YES1: variants seen among roughly 807,000 people sequenced by gnomAD.
YES1 encodes YES proto-oncogene 1, Src family tyrosine kinase, also known as tyrosine-protein kinase Yes.
A neutral mutation model predicts 70.4 loss-of-function variants in YES1; 39 were observed. That is an observed-to-expected ratio of 0.55 (90% confidence interval 0.43 to 0.72). The LOEUF (loss-of-function observed/expected upper bound fraction) is 0.72. Ranked by LOEUF, YES1 falls within the 30% of genes least tolerant of loss-of-function variation. The pLI, the probability that YES1 is intolerant of heterozygous loss-of-function variation, is 0.00. For synonymous variants in YES1, 198 were observed against 218.6 expected, an observed-to-expected ratio of 0.91 and a Z score of 0.83; for missense variants, 495 against 644.8, an observed-to-expected ratio of 0.77 and a Z score of 2.52.
At chr18:790,051 C>T (rs973416826) in intron 1 of YES1, among the ~76,000 whole-genome samples, 1 of 151,600 alleles carries the variant, frequency 6.6e-6, no homozygotes, top group African/African-American at 2.4e-5. Context: ...AGCAACACTC[C>T]GTCTCATAAA....
At chr18:781,086 G>A (rs1370524999) in intron 1 of YES1, among the ~76,000 whole-genome samples, 1 of 151,968 alleles carries the variant, frequency 6.6e-6, no homozygotes, top group Non-Finnish European at 1.5e-5. Context: ...TGGCCAACAT[G>A]GTGAAACCCC....
chr18:782,310 T>C lies in YES1; in HGVS notation c.-8-25475A>G, dbSNP rs117299658. On this transcript the variant is annotated intron_variant, in intron 1 of 11. Transcript: ENST00000314574. ...ATTTTAGAGCTAGGCTGAGGAACCA[T>C]AAAATATCAATTCCTAATTCCTAAA... Among the ~76,000 whole-genome samples the C allele has an allele frequency of 6.8e-3, 1,037 of 152,256 alleles. 7 individuals carry two copies. Among genetic ancestry groups the C allele is most frequent in the Non-Finnish European group, 0.01 (686 of 68,034 alleles).
chr18:802,789 C>A (rs980184359), intron 1 of YES1, among the ~76,000 whole-genome samples: 12 of 151,946 alleles, frequency 7.9e-5, no homozygotes, highest in Non-Finnish European at 1.8e-4. Context: ...GTAATAAATA[C>A]CTACCTCAAG....
chr18:769,209 A>T (rs550982827), intron 1 of YES1, among the ~76,000 whole-genome samples: 2 of 152,312 alleles, frequency 1.3e-5, no homozygotes, highest in Admixed American at 1.3e-4. Context: ...CTGATGACAC[A>T]ATGTCAGAAC....
chr18:726,147 C>T (rs12327478), intron 11 of YES1, among the ~76,000 whole-genome samples: 2,042 of 152,208 alleles, frequency 0.013, 40 homozygotes, highest in African/African-American at 0.046. Flanking sequence ...ACTCAAAGGC[C>T]GGGTGCGGTG....
chr18:773,838 C>CT lies in YES1; in HGVS notation c.-8-17004dup, dbSNP rs34302612. ...TCTCTCTTCCTTAAAACACTTTTCCCTTTTTTTTTTTGAGACGGAATCTTG... is the reference window on the plus strand; with the variant it reads ...TCTCTCTTCCTTAAAACACTTTTCCCTTTTTTTTTTTTGAGACGGAATCTTG... On this transcript the variant is annotated intron_variant, in intron 1 of 11. Coordinates refer to ENST00000314574, the MANE Select transcript of YES1 (RefSeq NM_005433.4). Among the ~76,000 whole-genome samples, 421 of 148,214 alleles carry CT rather than the reference C, an allele frequency of 2.8e-3. 3 individuals are homozygous for CT. Among genetic ancestry groups the CT allele is most frequent in the Middle Eastern group, 0.01 (3 of 286 alleles).
At chr18:792,585 G>A (rs1396428712) in intron 1 of YES1, among the ~76,000 whole-genome samples, 13 of 140,216 alleles carry the variant, frequency 9.3e-5, no homozygotes, top group East Asian at 6.1e-4. Flanking sequence ...GTGTGTGTGT[G>A]TATATACATA....
intron 1 of YES1, among the ~76,000 whole-genome samples, chr18:787,452 G>A (rs1906022246): frequency 6.6e-6 from 1 of 152,018 alleles, no homozygotes; most frequent in African/African-American, 2.4e-5. Flanking sequence ...GCTCACACCT[G>A]TAATCCCAGC....
chr18:729,649 CAG>C (rs2080064645), intron 11 of YES1, among the ~76,000 whole-genome samples: 1 of 101,104 alleles, frequency 9.9e-6, no homozygotes, highest in Non-Finnish European at 1.8e-5. Flanking sequence ...TTTTTTGAGA[CAG>C]AGTCTCGCTC....
chr18:724,691 TAACA>T lies in YES1; in HGVS notation c.1424-63_1424-60del, dbSNP rs1484773689. ...GGTCCTAACTACCACTAGGAAAACA[TAACA>T]AACCCCCTAGCCACTAACTCATTCA... On this transcript the variant is annotated intron_variant, in intron 11 of 11. Coordinates refer to ENST00000314574, the MANE Select transcript of YES1 (RefSeq NM_005433.4). 7.9e-6 allele frequency: 11 copies of T among 1,399,110 alleles called. No individual in the cohort carries two copies. In the Admixed American group the frequency reaches 1.9e-4, roughly 24 times the overall value. The allele number at this position is 1,399,110 out of a possible 1,614,324, so 86.7% of individuals were successfully genotyped here.
intron 1 of YES1, among the ~76,000 whole-genome samples, chr18:806,124 G>C (rs960768326): frequency 1.3e-5 from 2 of 152,092 alleles, no homozygotes; most frequent in African/African-American, 4.8e-5. Flanking sequence ...TTTTGTCCTA[G>C]GTATATATGA....
chr18:743,157 T>C, intron 7 of YES1, 60 bp from the exon 8 acceptor site: 1 of 1,544,230 alleles, frequency 6.5e-7, no homozygotes, highest in Non-Finnish European at 8.7e-7. Context: ...CAAACTTCAG[T>C]GAACAGCACT....
At chr18:758,053 A>G (rs1437117227) in intron 1 of YES1, among the ~76,000 whole-genome samples, 3 of 152,214 alleles carry the variant, frequency 2.0e-5, no homozygotes, top group African/African-American at 7.2e-5. Flanking sequence ...AATCTAAGTC[A>G]CAAATGTGAG....
At chr18:812,689 A>G (rs117002915), upstream of YES1, 5,374 of 152,552 alleles carry the variant, frequency 0.035, 251 homozygotes, top group East Asian at 0.26. Context: ...GCTGCCGCGG[A>G]GATTGAATGG....
chr18:727,634 G>C (rs1316701728), intron 11 of YES1, among the ~76,000 whole-genome samples: 1 of 152,030 alleles, frequency 6.6e-6, no homozygotes, highest in Non-Finnish European at 1.5e-5. Flanking sequence ...ACTACAATAT[G>C]CTTCCTTGGT....
intron 2 of YES1, 76 bp downstream of exon 2, chr18:756,481 G>A: frequency 9.2e-6 from 14 of 1,524,090 alleles, no homozygotes; most frequent in Non-Finnish European, 1.2e-5. Flanking sequence ...TTTCTTAAAG[G>A]CAGACAAGCC....
chr18:767,085 A>C (rs1445706901), intron 1 of YES1, among the ~76,000 whole-genome samples: 1 of 115,030 alleles, frequency 8.7e-6, no homozygotes, highest in Non-Finnish European at 1.8e-5. Context: ...GTAAGTCTGA[A>C]CTCTTCTGTA....
chr18:736,455 AT>A (rs2080154549), intron 10 of YES1: 1 of 170,932 alleles, frequency 5.9e-6, no homozygotes, highest in Non-Finnish European at 1.2e-5. Context: ...GTCTGTAGAC[AT>A]TGTCAGATGT....
At chr18:776,149 G>C (rs1480845548) in intron 1 of YES1, among the ~76,000 whole-genome samples, 1 of 152,030 alleles carries the variant, frequency 6.6e-6, no homozygotes, top group African/African-American at 2.4e-5. Flanking sequence ...TCACCAGCAA[G>C]CATGAGAATT....
Sources: allele counts gnomAD v4.1 joint callset (sites outside exome capture counted in the v4.1 genomes callset), GRCh38; gene constraint gnomAD v4.1.1; transcripts MANE v1.5; gene names NCBI Gene and HGNC (gene_info 2026-07-23, HGNC 2026-07-21).